Variants in TBC1D32 observed in about 807,000 individuals in gnomAD.
TBC1D32 encodes the protein protein broad-minded.
TBC1D32 carries 151 observed loss-of-function variants against 170.3 expected under a neutral mutation model. The ratio of observed to expected loss-of-function variants is 0.89; its 90% CI spans 0.78 to 1.01. The LOEUF (loss-of-function observed/expected upper bound fraction) is 1.01. Ranked by LOEUF, TBC1D32 falls within the 50% of genes least tolerant of loss-of-function variation. The pLI is 0.00. For missense variants in TBC1D32, 1,464 were observed against 1,457.1 expected, an observed-to-expected ratio of 1.00 and a Z score of -0.08; for synonymous variants, 498 against 488.0, an observed-to-expected ratio of 1.02 and a Z score of -0.27.
At chr6:121,291,587 T>C (rs554081367) in intron 12 of TBC1D32, among the ~76,000 whole-genome samples, 18 of 152,296 alleles carry the variant, frequency 1.2e-4, no homozygotes, top group African/African-American at 4.1e-4. Flanking sequence ...GTAAAAATTA[T>C]ATGGTAATAT....
intron 10 of TBC1D32, among the ~76,000 whole-genome samples, chr6:121,295,591 G>A (rs1224702147): frequency 1.3e-5 from 2 of 151,874 alleles, no homozygotes; most frequent in Non-Finnish European, 2.9e-5. Context: ...ACTGGGGGAA[G>A]CCAACAGAGG....
chr6:121,284,642 T>C (rs1407806813), intron 12 of TBC1D32, among the ~76,000 whole-genome samples: 2 of 152,138 alleles, frequency 1.3e-5, no homozygotes, highest in Non-Finnish European at 1.5e-5. Context: ...TGAAATCACA[T>C]GTGAAACTTA....
At chr6:121,243,184 T>C (rs1427329928) in intron 17 of TBC1D32, among the ~76,000 whole-genome samples, 5 of 150,994 alleles carry the variant, frequency 3.3e-5, no homozygotes, top group Non-Finnish European at 7.4e-5. Context: ...AATAAGAAAA[T>C]AACCCCAAAC....
At chr6:121,277,637 A>C (rs1341525143) in intron 15 of TBC1D32, among the ~76,000 whole-genome samples, 2 of 151,756 alleles carry the variant, frequency 1.3e-5, no homozygotes, top group African/African-American at 4.8e-5. Context: ...TTATAGCATT[A>C]AGTACAAATA....
chr6:121,215,897 T>C (rs922720737), intron 21 of TBC1D32, among the ~76,000 whole-genome samples: 2 of 152,204 alleles, frequency 1.3e-5, no homozygotes, highest in Admixed American at 6.5e-5. Flanking sequence ...TTATGCACTA[T>C]TGCTGAGAGT....
chr6:121,298,458 G>A (rs890212977), intron 10 of TBC1D32, among the ~76,000 whole-genome samples: 1 of 151,822 alleles, frequency 6.6e-6, no homozygotes, highest in Non-Finnish European at 1.5e-5. Context: ...TAAACCATGG[G>A]GAAAATCATC....
intron 24 of TBC1D32, among the ~76,000 whole-genome samples, chr6:121,149,616 A>G (rs1783945528): frequency 1.3e-5 from 2 of 152,036 alleles, no homozygotes; most frequent in Non-Finnish European, 2.9e-5. Flanking sequence ...ATTGGTCTAT[A>G]TATTTGTTTT....
intron 1 of TBC1D32, among the ~76,000 whole-genome samples, chr6:121,328,597 GAT>G (rs1315151219): frequency 1.3e-5 from 2 of 151,868 alleles, no homozygotes; most frequent in African/African-American, 4.8e-5. Context: ...AGTTTTTTAA[GAT>G]ATAGTCTGTA....
At chr6:121,147,591 TTA>T (rs201301569) in intron 24 of TBC1D32, among the ~76,000 whole-genome samples, 63 of 149,590 alleles carry the variant, frequency 4.2e-4, no homozygotes, top group African/African-American at 1.6e-3. Flanking sequence ...TAATATTTTT[TTA>T]TTTTTTTATT....
chr6:121,171,336 AAG>A (rs1786964177), intron 22 of TBC1D32, among the ~76,000 whole-genome samples: 1 of 151,478 alleles, frequency 6.6e-6, no homozygotes, highest in Non-Finnish European at 1.5e-5. Context: ...AAAAAAAAAA[AAG>A]GACCAAATGT....
intron 15 of TBC1D32, among the ~76,000 whole-genome samples, chr6:121,266,904 C>T (rs1041442856): frequency 6.6e-6 from 1 of 151,624 alleles, no homozygotes; most frequent in Admixed American, 6.6e-5. Flanking sequence ...CACACCAGGG[C>T]CTGTCGGTGG....
chr6:121,203,735 C>T (rs997713878), intron 22 of TBC1D32, among the ~76,000 whole-genome samples: 7 of 151,366 alleles, frequency 4.6e-5, no homozygotes, highest in African/African-American at 1.2e-4. Context: ...TTGATCACAA[C>T]GTCCATGTTG....
chr6:121,242,961 G>T (rs562176265), intron 17 of TBC1D32, among the ~76,000 whole-genome samples: 2 of 151,788 alleles, frequency 1.3e-5, no homozygotes, highest in Non-Finnish European at 2.9e-5. Context: ...TTGAAAACAT[G>T]ACACAAATAC....
chr6:121,264,477 A>C (rs1327058280), intron 15 of TBC1D32, among the ~76,000 whole-genome samples: 1 of 152,148 alleles, frequency 6.6e-6, no homozygotes, highest in Non-Finnish European at 1.5e-5. Context: ...GCCAAATTCT[A>C]CCACAGGTAC....
intron 26 of TBC1D32, among the ~76,000 whole-genome samples, chr6:121,118,032 A>AT (rs1478372364): frequency 2.0e-5 from 3 of 152,164 alleles, no homozygotes; most frequent in Middle Eastern, 3.2e-3. Context: ...GTAACGAGTA[A>AT]TTAATTGATC....
At chr6:121,213,571 C>G in intron 21 of TBC1D32, among the ~76,000 whole-genome samples, 1 of 137,594 alleles carries the variant, frequency 7.3e-6, no homozygotes, top group African/African-American at 2.7e-5. Flanking sequence ...AATAAAATAC[C>G]TAGGAATACA....
At chr6:121,199,488 T>G (rs1010337111) in intron 22 of TBC1D32, among the ~76,000 whole-genome samples, 3 of 151,362 alleles carry the variant, frequency 2.0e-5, no homozygotes, top group Non-Finnish European at 4.4e-5. Context: ...TTTCTCCTTT[T>G]GTTTTCAGCA....
At chr6:121,302,617 GT>G (rs1267666321) in intron 9 of TBC1D32, among the ~76,000 whole-genome samples, 1 of 151,862 alleles carries the variant, frequency 6.6e-6, no homozygotes, top group Non-Finnish European at 1.5e-5. Context: ...CTTAACAGTT[GT>G]TATCCCTGTA....
chr6:121,116,458 G>C (rs1237372499), intron 26 of TBC1D32, among the ~76,000 whole-genome samples: 2 of 152,174 alleles, frequency 1.3e-5, no homozygotes, highest in African/African-American at 4.8e-5. Flanking sequence ...AAGATGAAAA[G>C]ATTATGTCTA....
Sources: allele counts gnomAD v4.1 joint callset (sites outside exome capture counted in the v4.1 genomes callset), GRCh38; gene constraint gnomAD v4.1.1; transcripts MANE v1.5; gene names NCBI Gene and HGNC (gene_info 2026-07-23, HGNC 2026-07-21).